FHIT: variants seen among roughly 807,000 people sequenced by gnomAD.
FHIT encodes bis(5'-adenosyl)-triphosphatase.
FHIT carries 19 observed loss-of-function variants against 17.9 expected under a neutral mutation model. The observed-to-expected ratio is 1.06, with a 90% CI of 0.74 to 1.56. FHIT has a LOEUF of 1.56. Ranked by LOEUF, FHIT falls within the 40% of genes most tolerant of loss-of-function variation. The probability of loss-of-function intolerance (pLI) is 0.00; values close to 1 mark genes in which losing one functional copy is unlikely to be tolerated. For missense variants in FHIT, 248 were observed against 189.2 expected (o/e 1.31, Z -1.82); for synonymous variants, 81 against 69.7 (o/e 1.16, Z -0.81).
chr3:60,993,961 C>A (rs2030466153), intron 3 of FHIT, among the ~76,000 whole-genome samples: 1 of 152,048 alleles, frequency 6.6e-6, no homozygotes. Context: ...TGTGAGTAGT[C>A]TGAAATGAGA....
At chr3:60,630,955 A>AC (rs1370855386) in intron 4 of FHIT, among the ~76,000 whole-genome samples, 15 of 125,088 alleles carry the variant, frequency 1.2e-4, no homozygotes, top group African/African-American at 4.0e-4. Context: ...AAAAAAAAAA[A>AC]ACACACAGAA....
At chr3:60,627,696 G>A (rs113044066) in intron 4 of FHIT, among the ~76,000 whole-genome samples, 6 of 151,994 alleles carry the variant, frequency 3.9e-5, no homozygotes, top group East Asian at 1.9e-4. Context: ...GCTAATTTTC[G>A]TATTTTTAGT....
intron 7 of FHIT, among the ~76,000 whole-genome samples, chr3:59,993,042 A>G (rs1699355082): frequency 6.6e-6 from 1 of 152,036 alleles, no homozygotes. Context: ...CATCCTACTA[A>G]TGGTTCCTGC....
intron 5 of FHIT, among the ~76,000 whole-genome samples, chr3:60,165,640 T>C (rs964795455): frequency 3.9e-5 from 6 of 152,146 alleles, no homozygotes; most frequent in African/African-American, 1.4e-4. Flanking sequence ...ATTATAAAGA[T>C]ACCTATCTTT....
intron 8 of FHIT, among the ~76,000 whole-genome samples, chr3:59,788,127 C>T (rs1016970343): frequency 2.6e-5 from 4 of 152,180 alleles, no homozygotes; most frequent in Middle Eastern, 3.2e-3. Context: ...ACCCTTCCTG[C>T]CCTAACGTTC....
intron 3 of FHIT, among the ~76,000 whole-genome samples, chr3:60,944,251 T>C (rs1708548591): frequency 6.6e-6 from 1 of 152,214 alleles, no homozygotes; most frequent in Admixed American, 6.5e-5. Context: ...TTTTTATGGT[T>C]TTATTCCAAT....
chr3:59,864,801 G>C (rs963194048), intron 8 of FHIT, among the ~76,000 whole-genome samples: 10 of 147,346 alleles, frequency 6.8e-5, no homozygotes, highest in Non-Finnish European at 1.3e-4. Flanking sequence ...CTGCCTAAAA[G>C]GCCCTTCTGA....
At chr3:60,267,116 G>C (rs1191002534) in intron 5 of FHIT, among the ~76,000 whole-genome samples, 1 of 152,022 alleles carries the variant, frequency 6.6e-6, no homozygotes, top group Non-Finnish European at 1.5e-5. Context: ...TATTAGTTAT[G>C]TTCTCTGCTT....
chr3:60,012,257 T>A (rs1208903655), intron 6 of FHIT, among the ~76,000 whole-genome samples: 2 of 140,064 alleles, frequency 1.4e-5, no homozygotes, highest in Non-Finnish European at 3.0e-5. Flanking sequence ...ATCAGGTGTT[T>A]TTTTTGTTGT....
chr3:60,100,719 T>C (rs1704157009), intron 5 of FHIT, among the ~76,000 whole-genome samples: 1 of 152,158 alleles, frequency 6.6e-6, no homozygotes, highest in Non-Finnish European at 1.5e-5. Context: ...TTTATTTCTA[T>C]TACATATGGT....
chr3:60,029,564 C>A (rs1365390381), intron 5 of FHIT, among the ~76,000 whole-genome samples: 3 of 152,108 alleles, frequency 2.0e-5, no homozygotes, highest in Non-Finnish European at 2.9e-5. Flanking sequence ...CACTGCCTGG[C>A]AAAATTAAAG....
At chr3:60,366,116 C>G (rs1417821061) in intron 5 of FHIT, among the ~76,000 whole-genome samples, 3 of 152,146 alleles carry the variant, frequency 2.0e-5, no homozygotes, top group African/African-American at 7.2e-5. Flanking sequence ...CTCGAGAAAT[C>G]CTACAAATCA....
chr3:60,191,256 A>C (rs1341703921), intron 5 of FHIT, among the ~76,000 whole-genome samples: 1 of 152,214 alleles, frequency 6.6e-6, no homozygotes, highest in Non-Finnish European at 1.5e-5. Context: ...ATTTATACAA[A>C]AATAATGCTT....
At chr3:60,347,689 G>GGGGGTTGT (rs1553750581) in intron 5 of FHIT, among the ~76,000 whole-genome samples, 1 of 85,304 alleles carries the variant, frequency 1.2e-5, no homozygotes, top group Non-Finnish European at 2.4e-5. Context: ...GGGGGGGGGG[G>GGGGGTTGT]TTTGTTTTTT....
At chr3:60,141,919 T>C (rs1212239445) in intron 5 of FHIT, among the ~76,000 whole-genome samples, 1 of 152,164 alleles carries the variant, frequency 6.6e-6, no homozygotes, top group African/African-American at 2.4e-5. Flanking sequence ...GTTTAAACTG[T>C]AGTGATTGGA....
intron 5 of FHIT, among the ~76,000 whole-genome samples, chr3:60,349,981 G>A (rs1711002518): frequency 6.6e-6 from 1 of 152,126 alleles, no homozygotes; most frequent in South Asian, 2.1e-4. Flanking sequence ...CTAAAATTAA[G>A]GCAGTGGAGA....
At chr3:60,817,049 G>A (rs1701765169) in intron 4 of FHIT, among the ~76,000 whole-genome samples, 1 of 151,298 alleles carries the variant, frequency 6.6e-6, no homozygotes, top group South Asian at 2.1e-4. Flanking sequence ...GGTTTTTCTA[G>A]GAATTAAAAC....
intron 2 of FHIT, among the ~76,000 whole-genome samples, chr3:61,194,631 C>A (rs2038805075): frequency 6.6e-6 from 1 of 152,152 alleles, no homozygotes; most frequent in Non-Finnish European, 1.5e-5. Flanking sequence ...GCATTTCCCT[C>A]AATGTTCTGG....
chr3:61,184,285 G>A (rs1181283729), intron 2 of FHIT, among the ~76,000 whole-genome samples: 2 of 151,978 alleles, frequency 1.3e-5, no homozygotes, highest in East Asian at 1.9e-4. Flanking sequence ...AGTGCCTCTG[G>A]TGTCAAACTG....
Sources: allele counts gnomAD v4.1 joint callset (sites outside exome capture counted in the v4.1 genomes callset), GRCh38; gene constraint gnomAD v4.1.1; transcripts MANE v1.5; gene names NCBI Gene and HGNC (gene_info 2026-07-23, HGNC 2026-07-21).